Variants in CBX3 observed in about 807,000 individuals in gnomAD.
The protein encoded by CBX3 is chromobox 3.
A neutral mutation model predicts 22.6 loss-of-function variants in CBX3; 5 were observed. The ratio of observed to expected loss-of-function variants is 0.22; its 90% confidence interval spans 0.12 to 0.47. CBX3 has a LOEUF of 0.47. Ranked by LOEUF, CBX3 falls within the 20% of genes least tolerant of loss-of-function variation. The pLI is 0.99. For synonymous variants in CBX3, 50 were observed against 66.6 expected (o/e 0.75, Z 1.21); for missense variants, 83 against 208.1 (o/e 0.40, Z 3.70).
chr7:26,202,140 C>T (rs1375745553), intron 1 of CBX3: 1 of 152,100 alleles, frequency 6.6e-6, no homozygotes, highest in Non-Finnish European at 1.5e-5. Flanking sequence ...GGCGCCCCCT[C>T]CCCCAGCCGC....
At chr7:26,205,186 A>T (rs1414825530) in intron 2 of CBX3, among the ~76,000 whole-genome samples, 2 of 152,102 alleles carry the variant, frequency 1.3e-5, no homozygotes, top group Non-Finnish European at 2.9e-5. Context: ...CCCCATTTTT[A>T]ATCCTCTCAT....
rs1584036834 is a variant in CBX3 at position 26,206,146 on chromosome 7, ATTAT to A, written c.25-219_25-216del. 1.1e-5 allele frequency: 5 copies of A among 441,936 alleles called. No individual in the cohort carries two copies. In the East Asian group the frequency reaches 2.0e-4, roughly 18 times the overall value. The allele number at this position is 441,936 out of a possible 1,614,324, so 27.4% of individuals were successfully genotyped here. On this transcript the variant is annotated intron_variant, in intron 2 of 5. Coordinates refer to ENST00000396386, the MANE Select transcript of CBX3 (RefSeq NM_016587.4). ...TTTCCAGATAGTGTTTTTTTATTGT[ATTAT>A]TTTGGTGGTGGGTTGTAAGTTTGAA...
chr7:26,204,048 T>A (rs1784616055), intron 2 of CBX3, among the ~76,000 whole-genome samples: 1 of 152,182 alleles, frequency 6.6e-6, no homozygotes, highest in South Asian at 2.1e-4. Context: ...AATTCATTAG[T>A]GTTGTGAGAT....
intron 2 of CBX3, 27 bp from the exon 3 acceptor site, chr7:26,206,341 C>T (rs1239928216): frequency 2.8e-6 from 3 of 1,069,724 alleles, no homozygotes; most frequent in Non-Finnish European, 3.9e-6. Context: ...AGGAATATTT[C>T]TTAATTTCTC....
At chr7:26,212,008 T>A in intron 5 of CBX3, 74 bp from the exon 6 acceptor site, 2 of 1,333,192 alleles carry the variant, frequency 1.5e-6, no homozygotes, top group East Asian at 2.6e-5. Flanking sequence ...GGACTATTAT[T>A]TCTTAAATGA....
rs767915869 is a variant in CBX3 at position 26,212,732 on chromosome 7, C to T, written c.*524C>T. On this transcript the variant is annotated 3_prime_UTR_variant, in exon 6 of 6. Coordinates refer to ENST00000396386, the MANE Select transcript of CBX3 (RefSeq NM_016587.4). ...ATTCCAAGCAAAATAAGAGATAATCCCTTCAAGTTAAATTGAAAATTTTCC... is the reference window on the plus strand; with the variant it reads ...ATTCCAAGCAAAATAAGAGATAATCTCTTCAAGTTAAATTGAAAATTTTCC... 2.0e-5 allele frequency: 3 copies of T among 152,200 alleles called. No homozygotes were observed. Among genetic ancestry groups the T allele is most frequent in the Non-Finnish European group, 2.9e-5 (2 of 68,038 alleles). 9.4% of individuals were successfully genotyped at this position (152,200 alleles called of 1,614,324 possible).
intron 4 of CBX3, among the ~76,000 whole-genome samples, chr7:26,211,459 A>C (rs1479515697): frequency 6.6e-6 from 1 of 152,174 alleles, no homozygotes; most frequent in Non-Finnish European, 1.5e-5. Context: ...ATGTTTTCAG[A>C]AATTTTAAGT....
chr7:26,203,073 T>C (rs555123976), intron 2 of CBX3, 51 bp downstream of exon 2: 21 of 1,219,590 alleles, frequency 1.7e-5, no homozygotes, highest in South Asian at 3.9e-5. Flanking sequence ...AAGTTTTTTT[T>C]CCCCACAGTA....
chr7:26,211,652 T>G lies in CBX3; in HGVS notation c.331-10T>G. ...TGAGTTTGCTGTATGAAAAAATGTC[T>G]TCTAAACAGGCTGACAAACCAAGAG... On this transcript the variant is annotated splice_polypyrimidine_tract_variant and intron_variant, in intron 4 of 5. Coordinates refer to ENST00000396386, the MANE Select transcript of CBX3 (RefSeq NM_016587.4). 3 of 1,579,392 alleles carry G rather than the reference T, an allele frequency of 1.9e-6. No individual in the cohort carries two copies. Among genetic ancestry groups the G allele is most frequent in the Non-Finnish European group, 2.6e-6 (3 of 1,157,232 alleles).
chr7:26,202,699 G>C, intron 1 of CBX3: 2 of 408,172 alleles, frequency 4.9e-6, no homozygotes, highest in Non-Finnish European at 8.7e-6. Flanking sequence ...ATGGGACTTA[G>C]ATTGGAAAAG....
intron 3 of CBX3, among the ~76,000 whole-genome samples, chr7:26,207,009 T>C (rs1426717354): frequency 6.6e-6 from 1 of 152,222 alleles, no homozygotes; most frequent in Non-Finnish European, 1.5e-5. Context: ...TTGCTCTCAT[T>C]ATTCTTGATA....
rs773511953 is a variant in CBX3, at chr7:26,208,599, G to A, written c.330+44G>A. 1.4e-5 allele frequency: 22 copies of A among 1,520,250 alleles called. No homozygotes were observed. The Middle Eastern group carries it at 5.2e-4, about 36-fold the overall frequency. 94.2% of individuals were successfully genotyped at this position (1,520,250 alleles called of 1,614,324 possible). On this transcript the variant is annotated intron_variant, in intron 4 of 5. Transcript: ENST00000396386. ...CCACCAGCTTGTCCTTTTGTAAAAG[G>A]TTGATGGCTTGATTTCTTTTTTGTT...
intron 4 of CBX3, among the ~76,000 whole-genome samples, chr7:26,209,767 C>T (rs1029787288): frequency 6.6e-6 from 1 of 152,152 alleles, no homozygotes; most frequent in African/African-American, 2.4e-5. Flanking sequence ...ACAGATTATA[C>T]TTGTCTTGCC....
intron 3 of CBX3, among the ~76,000 whole-genome samples, chr7:26,207,087 T>C (rs543522649): frequency 6.6e-6 from 1 of 152,328 alleles, no homozygotes; most frequent in Non-Finnish European, 1.5e-5. Flanking sequence ...TGGGGTTTGT[T>C]GTGCTTATCT....
At chr7:26,211,963 A>T (rs1044708377) in intron 5 of CBX3, 119 bp from the exon 6 acceptor site, 4 of 969,560 alleles carry the variant, frequency 4.1e-6, no homozygotes, top group Admixed American at 6.7e-5. Flanking sequence ...AACAAGTAAC[A>T]TAACTCTCCT....
intron 2 of CBX3, among the ~76,000 whole-genome samples, chr7:26,203,835 A>AT (rs1784608505): frequency 6.6e-6 from 1 of 152,140 alleles, no homozygotes; most frequent in African/African-American, 2.4e-5. Flanking sequence ...CACGTTAGTG[A>AT]TTTTTAATTT....
At position 26,212,997 on chromosome 7, in the gene CBX3, A is replaced by G. The variant is rs1403890742; in HGVS notation, c.*789A>G. 6.6e-6 allele frequency: 1 copy of G among 152,316 alleles called. No homozygotes were observed. 9.4% of individuals were successfully genotyped at this position (152,316 alleles called of 1,614,324 possible). ...CATTTAAAAGTTTCCCTAGCGGGCC[A>G]TTCCTTAGCAAAATGTTGGAATCCC... On this transcript the variant is annotated 3_prime_UTR_variant, in exon 6 of 6. Transcript: ENST00000396386.
intron 1 of CBX3, 104 bp from the exon 2 acceptor site, chr7:26,202,867 A>C (rs1434404597): frequency 1.4e-6 from 1 of 720,374 alleles, no homozygotes; most frequent in African/African-American, 1.8e-5. Flanking sequence ...TTCACGTTTG[A>C]AATGTGCGCT....
intron 4 of CBX3, among the ~76,000 whole-genome samples, chr7:26,210,794 T>A (rs1350837842): frequency 6.6e-6 from 1 of 152,186 alleles, no homozygotes; most frequent in Non-Finnish European, 1.5e-5. Flanking sequence ...TAAGGCAATT[T>A]TACTTAAACA....
Sources: gnomAD v4.1 joint callset for allele counts (sites outside exome capture counted in the v4.1 genomes callset) on GRCh38, gnomAD v4.1.1 for gene constraint, MANE v1.5 for transcripts, NCBI Gene and HGNC (gene_info 2026-07-23, HGNC 2026-07-21) for gene names.